PRSS3: variants seen among roughly 807,000 people sequenced by gnomAD.
The protein encoded by PRSS3 is serine protease 3.
Under a neutral mutation model 20.8 loss-of-function variants are expected in PRSS3, and 14 were observed. The ratio of observed to expected loss-of-function variants is 0.67; its 90% confidence interval spans 0.44 to 1.05. The LOEUF is 1.05. Among genes scored for constraint, PRSS3 ranks in the 50% least tolerant of loss-of-function variants. The pLI, the probability that PRSS3 is intolerant of heterozygous loss-of-function variation, is 0.00. For synonymous variants in PRSS3, 91 were observed against 117.6 expected (o/e 0.77, Z 1.46); for missense variants, 237 against 306.4 (o/e 0.77, Z 1.69).
Position 33,789,953 on chromosome 9 carries a change from A to G in PRSS3, c.-52-4793A>G, listed in dbSNP as rs368142299. Reference sequence around the variant, plus strand: ...AATAAGAATAATAGTGAGTTTTTAAATGTAGGGTTTTTTTATAAGAAAGTG... The same window carrying G: ...AATAAGAATAATAGTGAGTTTTTAAGTGTAGGGTTTTTTTATAAGAAAGTG... On this transcript the variant is annotated intron_variant, in intron 1 of 5. Coordinates refer to the PRSS3 transcript ENST00000342836. Among the ~76,000 whole-genome samples, 119 of 152,292 alleles carry G rather than the reference A, an allele frequency of 7.8e-4. 4 individuals are homozygous for G. The South Asian group carries it at 0.024, about 31-fold the overall frequency.
chr9:33,759,989 A>G (rs1823116267), intron 1 of PRSS3, among the ~76,000 whole-genome samples: 1 of 152,178 alleles, frequency 6.6e-6, no homozygotes, highest in African/African-American at 2.4e-5. Flanking sequence ...CAAGAGGTGG[A>G]GAAGGCAGAG....
chr9:33,767,498 G>A (rs2118869541), intron 1 of PRSS3, among the ~76,000 whole-genome samples: 1 of 151,934 alleles, frequency 6.6e-6, no homozygotes, highest in South Asian at 2.1e-4. Context: ...AGGTCATTAG[G>A]ACAGTAATCC....
intron 1 of PRSS3, among the ~76,000 whole-genome samples, chr9:33,760,221 C>T (rs2118787021): frequency 6.6e-6 from 1 of 150,684 alleles, no homozygotes; most frequent in African/African-American, 2.4e-5. Flanking sequence ...CTAAGCCCAC[C>T]TTTGAAGTCC....
chr9:33,761,900 T>C (rs1484034297), intron 1 of PRSS3, among the ~76,000 whole-genome samples: 1 of 151,838 alleles, frequency 6.6e-6, no homozygotes, highest in Non-Finnish European at 1.5e-5. Context: ...GAAAAAAAGG[T>C]ATTATAATCT....
At chr9:33,793,429 G>A (rs1824730924), upstream of PRSS3, among the ~76,000 whole-genome samples, 1 of 152,232 alleles carries the variant, frequency 6.6e-6, no homozygotes, top group Non-Finnish European at 1.5e-5. Context: ...CCAAAACCTG[G>A]ATACCTCAGG....
intron 1 of PRSS3, among the ~76,000 whole-genome samples, chr9:33,779,844 G>A (rs1824100967): frequency 7.6e-6 from 1 of 131,440 alleles, no homozygotes; most frequent in Admixed American, 9.0e-5. Flanking sequence ...ACTCCAGCCT[G>A]GGTGACAGAG....
At chr9:33,759,001 T>G (rs994752201) in intron 1 of PRSS3, among the ~76,000 whole-genome samples, 15 of 152,154 alleles carry the variant, frequency 9.9e-5, no homozygotes, top group Non-Finnish European at 2.1e-4. Context: ...ATGTATAAGG[T>G]CCTTTGAAAA....
upstream of PRSS3, among the ~76,000 whole-genome samples, chr9:33,791,339 C>T (rs1824622916): frequency 6.6e-6 from 1 of 152,116 alleles, no homozygotes; most frequent in Non-Finnish European, 1.5e-5. Context: ...CAGTTCTGAG[C>T]CTTGGGAGCC....
chr9:33,753,869 G>A (rs1212399762), intron 1 of PRSS3, among the ~76,000 whole-genome samples: 1 of 152,186 alleles, frequency 6.6e-6, no homozygotes, highest in Non-Finnish European at 1.5e-5. Context: ...GAGGTGAGAA[G>A]CCTGAGGCTG....
rs1435099175 is a variant in PRSS3, at chr9:33,799,202, C to T, written c.*22C>T. The T allele has an allele frequency of 8.7e-6, 14 of 1,613,236 alleles. 1 individual carries two copies. The highest frequency in any genetic ancestry group is 1.7e-5 in the Admixed American group (1 of 59,964). On this transcript the variant is annotated 3_prime_UTR_variant, in exon 5 of 5. Coordinates refer to ENST00000379405, the MANE Select transcript of PRSS3 (RefSeq NM_002771.4). Reference sequence around the variant, plus strand: ...CTAAAGCCCCCGGTCCCTCTGCAGTCTCTATACCAATAAAGTGGCCCTGCT... The same window carrying T: ...CTAAAGCCCCCGGTCCCTCTGCAGTTTCTATACCAATAAAGTGGCCCTGCT...
intron 1 of PRSS3, among the ~76,000 whole-genome samples, chr9:33,773,353 G>A (rs940389201): frequency 1.3e-5 from 2 of 152,102 alleles, no homozygotes; most frequent in African/African-American, 4.8e-5. Flanking sequence ...TTTAATACTA[G>A]GCCATAGCAG....
Sources: gnomAD v4.1 joint callset for allele counts (sites outside exome capture counted in the v4.1 genomes callset) on GRCh38, gnomAD v4.1.1 for gene constraint, MANE v1.5 for transcripts, NCBI Gene and HGNC (gene_info 2026-07-23, HGNC 2026-07-21) for gene names.